The following CAB39 variants were observed in gnomAD, a reference collection of about 807,000 sequenced individuals.
CAB39 encodes the protein calcium-binding protein 39.
CAB39 carries 8 observed loss-of-function variants against 40.0 expected under a neutral mutation model. That is an observed-to-expected ratio of 0.20 (90% CI 0.12 to 0.36). The LOEUF (loss-of-function observed/expected upper bound fraction) is 0.36. CAB39 is among the 10% of genes least tolerant of loss of function. CAB39 has a pLI of 1.00. For missense variants in CAB39, 270 were observed against 401.1 expected, an observed-to-expected ratio of 0.67 and a Z score of 2.79; for synonymous variants, 156 against 141.6, an observed-to-expected ratio of 1.10 and a Z score of -0.72.
chr2:230,722,430 T>G (rs1040818090), intron 1 of CAB39, among the ~76,000 whole-genome samples: 2 of 152,224 alleles, frequency 1.3e-5, no homozygotes, highest in Non-Finnish European at 2.9e-5. Flanking sequence ...ATGCTGGGAT[T>G]ACAGGCTTGA....
At chr2:230,764,551 A>G (rs1229173174) in intron 2 of CAB39, among the ~76,000 whole-genome samples, 2 of 152,226 alleles carry the variant, frequency 1.3e-5, no homozygotes, top group Admixed American at 6.5e-5. Flanking sequence ...GACACATTAT[A>G]CAGATTATAA....
intron 1 of CAB39, among the ~76,000 whole-genome samples, chr2:230,747,440 T>A (rs990727823): frequency 6.6e-6 from 1 of 152,224 alleles, no homozygotes; most frequent in African/African-American, 2.4e-5. Flanking sequence ...TTACCTGCCA[T>A]CAACAAGGTG....
At chr2:230,759,575 G>A (rs1001771753) in intron 1 of CAB39, among the ~76,000 whole-genome samples, 3 of 152,186 alleles carry the variant, frequency 2.0e-5, no homozygotes, top group African/African-American at 7.2e-5. Flanking sequence ...GCAGGAGATT[G>A]TTAGAAAGGG....
Position 230,783,525 on chromosome 2 carries a change from G to A in CAB39, c.115-7347G>A, listed in dbSNP as rs149015524. On this transcript the variant is annotated intron_variant, in intron 2 of 8. Coordinates refer to ENST00000258418, the MANE Select transcript of CAB39 (RefSeq NM_016289.4). ...GCTCTCGCTCTGCCATCCAGGCAGTGGATGAAGTGCAGTGGCACCATCTCG... is the reference window on the plus strand; with the variant it reads ...GCTCTCGCTCTGCCATCCAGGCAGTAGATGAAGTGCAGTGGCACCATCTCG... 2.5e-4 allele frequency among the ~76,000 whole-genome samples: 38 copies of A among 152,030 alleles called. No homozygotes were observed. In the East Asian group the frequency reaches 6.0e-3, roughly 24 times the overall value.
At chr2:230,739,048 T>C (rs2124886473) in intron 1 of CAB39, among the ~76,000 whole-genome samples, 1 of 152,274 alleles carries the variant, frequency 6.6e-6, no homozygotes, top group Middle Eastern at 3.4e-3. Flanking sequence ...AGTTTTCTCA[T>C]TTGTTTAGGT....
Position 230,819,879 on chromosome 2 carries a change from G to C in CAB39, c.*1175G>C, listed in dbSNP as rs1417260290. 6.6e-6 allele frequency: 1 copy of C among 152,572 alleles called. No individual in the cohort carries two copies. Among genetic ancestry groups the C allele is most frequent in the Non-Finnish European group, 1.5e-5 (1 of 68,028 alleles). 9.5% of individuals were successfully genotyped at this position (152,572 alleles called of 1,614,324 possible). On this transcript the variant is annotated 3_prime_UTR_variant, in exon 9 of 9. Coordinates refer to ENST00000258418, the MANE Select transcript of CAB39 (RefSeq NM_016289.4). ...TTTGTGTGTGTGGGAAATCTCTGTAGAGCACCTTTTCTTTCTTAGACTAAG... is the reference window on the plus strand; with the variant it reads ...TTTGTGTGTGTGGGAAATCTCTGTACAGCACCTTTTCTTTCTTAGACTAAG...
chr2:230,791,115 T>C, intron 3 of CAB39, 79 bp downstream of exon 3: 1 of 1,097,214 alleles, frequency 9.1e-7, no homozygotes, highest in Non-Finnish European at 1.3e-6. Context: ...TTTTGGAACA[T>C]TGTAAGATTC....
intron 4 of CAB39, among the ~76,000 whole-genome samples, chr2:230,795,106 C>A (rs1034669791): frequency 6.6e-6 from 1 of 151,926 alleles, no homozygotes; most frequent in African/African-American, 2.4e-5. Flanking sequence ...TGAAACCCCG[C>A]CTCTACTAAA....
chr2:230,734,009 G>C lies in CAB39; in HGVS notation c.-44+20779G>C, dbSNP rs930035792. ...ATCCATCCCCAAAAGTAGATATGCA[G>C]AGTATATGGAAGAATAAGACATTGC... On this transcript the variant is annotated intron_variant, in intron 1 of 8. Coordinates refer to ENST00000258418, the MANE Select transcript of CAB39 (RefSeq NM_016289.4). Among the ~76,000 whole-genome samples, 12 of 152,160 alleles carry C rather than the reference G, an allele frequency of 7.9e-5. No homozygotes were observed. The East Asian group carries it at 2.3e-3, about 29-fold the overall frequency.
At chr2:230,802,536 GA>G (rs1470658973) in intron 5 of CAB39, among the ~76,000 whole-genome samples, 5 of 152,024 alleles carry the variant, frequency 3.3e-5, no homozygotes, top group Non-Finnish European at 4.4e-5. Flanking sequence ...AAAGAAGAGA[GA>G]AGAATCAAAT....
At chr2:230,719,132 T>C (rs535871453) in intron 1 of CAB39, among the ~76,000 whole-genome samples, 1 of 152,290 alleles carries the variant, frequency 6.6e-6, no homozygotes, top group Admixed American at 6.5e-5. Context: ...GAAGTCGAAA[T>C]AGACAAAGAA....
chr2:230,723,485 G>C (rs1694494026), intron 1 of CAB39, among the ~76,000 whole-genome samples: 1 of 152,174 alleles, frequency 6.6e-6, no homozygotes, highest in Non-Finnish European at 1.5e-5. Flanking sequence ...TGCCCCTTCT[G>C]CAGTAGGTGT....
rs995992389 is a variant in CAB39 at position 230,821,075 on chromosome 2, A to T, written c.*2371A>T. Reference sequence around the variant, plus strand: ...TAAAATAAAATTTTGGAGAAACAGCATTGTCTGTCTTTATGATGTGTTATA... The same window carrying T: ...TAAAATAAAATTTTGGAGAAACAGCTTTGTCTGTCTTTATGATGTGTTATA... On this transcript the variant is annotated 3_prime_UTR_variant, in exon 9 of 9. Coordinates refer to ENST00000258418, the MANE Select transcript of CAB39 (RefSeq NM_016289.4). 6.6e-6 allele frequency: 1 copy of T among 152,306 alleles called. No individual in the cohort carries two copies. Among genetic ancestry groups the T allele is most frequent in the African/African-American group, 2.4e-5 (1 of 41,440 alleles). The allele number at this position is 152,306 out of a possible 1,614,324, so 9.4% of individuals were successfully genotyped here.
Position 230,754,347 on chromosome 2 carries a change from T to C in CAB39, c.-43-5612T>C, listed in dbSNP as rs533670175. ...CTTCCTTCTTCTTCCTTCCTCTTCT[T>C]CCTTCCTCTTCTTCCGTCCCCTTCT... On this transcript the variant is annotated intron_variant, in intron 1 of 8. Transcript: ENST00000258418. Among the ~76,000 whole-genome samples the C allele has an allele frequency of 5.4e-5, 8 of 149,292 alleles. No homozygotes were observed. In the East Asian group the frequency reaches 1.6e-3, roughly 29 times the overall value.
At chr2:230,749,660 G>A (rs907604182) in intron 1 of CAB39, among the ~76,000 whole-genome samples, 1 of 152,156 alleles carries the variant, frequency 6.6e-6, no homozygotes, top group African/African-American at 2.4e-5. Flanking sequence ...GAAATCCTCA[G>A]AAGCATTGAT....
chr2:230,782,901 C>G (rs1695717431), intron 2 of CAB39, among the ~76,000 whole-genome samples: 1 of 150,452 alleles, frequency 6.6e-6, no homozygotes, highest in Non-Finnish European at 1.5e-5. Context: ...CAAGCTCCGC[C>G]TCCTGGGTTC....
At chr2:230,769,872 C>G (rs1368473435) in intron 2 of CAB39, among the ~76,000 whole-genome samples, 1 of 150,662 alleles carries the variant, frequency 6.6e-6, no homozygotes, top group Non-Finnish European at 1.5e-5. Context: ...GTGGGAGGAT[C>G]GCTTGAGCCC....
intron 1 of CAB39, among the ~76,000 whole-genome samples, chr2:230,746,650 G>A (rs1466679436): frequency 6.6e-6 from 1 of 152,140 alleles, no homozygotes; most frequent in African/African-American, 2.4e-5. Context: ...GAAATTATAG[G>A]CACTTTGCTA....
intron 2 of CAB39, among the ~76,000 whole-genome samples, chr2:230,784,914 G>A (rs932251064): frequency 2.6e-5 from 4 of 152,124 alleles, no homozygotes; most frequent in African/African-American, 7.2e-5. Context: ...GCTGGGATAG[G>A]ACCTCACATT....
Sources: allele counts gnomAD v4.1 joint callset (sites outside exome capture counted in the v4.1 genomes callset), GRCh38; gene constraint gnomAD v4.1.1; transcripts MANE v1.5; gene names NCBI Gene and HGNC (gene_info 2026-07-23, HGNC 2026-07-21).